Variants in MGST1 observed in about 807,000 individuals in gnomAD.
MGST1 encodes the protein microsomal glutathione S-transferase 1, also known as glutathione S-transferase 12.
MGST1 carries 5 observed loss-of-function variants against 8.9 expected under a neutral mutation model. That is an observed-to-expected ratio of 0.56 (90% confidence interval 0.29 to 1.19). The LOEUF is 1.19. Among genes scored for constraint, MGST1 ranks in the 50% most tolerant of loss-of-function variants. The pLI is 0.08. For missense variants in MGST1, 182 were observed against 187.4 expected (o/e 0.97, Z 0.17); for synonymous variants, 54 against 67.8 (o/e 0.80, Z 1.00).
chr12:16,355,125 G>C (rs1196883587), intron 2 of MGST1, among the ~76,000 whole-genome samples: 1 of 151,802 alleles, frequency 6.6e-6, no homozygotes, highest in Non-Finnish European at 1.5e-5. Context: ...TTCTCTCTTA[G>C]GACCTGTCCT....
At chr12:16,357,554 T>C (rs2136954780) in intron 2 of MGST1, 51 bp from the exon 3 acceptor site, 3 of 1,406,208 alleles carry the variant, frequency 2.1e-6, no homozygotes, top group Non-Finnish European at 3.0e-6. Flanking sequence ...GTGTGAGCTA[T>C]TGCTCCTGGC....
intron 1 of MGST1, among the ~76,000 whole-genome samples, chr12:16,394,261 TGGCAA>T (rs1194436570): frequency 1.3e-5 from 2 of 152,174 alleles, no homozygotes; most frequent in African/African-American, 4.8e-5. Context: ...TTTTTTATTG[TGGCAA>T]GTATCTTTTC....
At chr12:16,359,684 G>A (rs9332923) in intron 3 of MGST1, among the ~76,000 whole-genome samples, 3,310 of 152,248 alleles carry the variant, frequency 0.022, 119 homozygotes, top group African/African-American at 0.073. Flanking sequence ...AGCCTTGTCT[G>A]GTCCTTTATG....
downstream of MGST1, among the ~76,000 whole-genome samples, chr12:16,377,668 G>A (rs924703500): frequency 1.3e-5 from 2 of 152,078 alleles, no homozygotes; most frequent in African/African-American, 4.8e-5. Context: ...CCCAGTAATG[G>A]GATGGCTGGG....
At chr12:16,364,849 A>T (rs1940155955), downstream of MGST1, among the ~76,000 whole-genome samples, 1 of 152,138 alleles carries the variant, frequency 6.6e-6, no homozygotes, top group South Asian at 2.1e-4. This position sits in a 1 kb window ranked among gnomAD's most constrained non-coding sequence, Gnocchi z 5.7. Context: ...GTTTCACTTA[A>T]ATGAGAGAGT....
intron 4 of MGST1, among the ~76,000 whole-genome samples, chr12:16,489,950 T>G (rs1201152549): frequency 6.6e-6 from 1 of 152,080 alleles, no homozygotes; most frequent in Non-Finnish European, 1.5e-5. Context: ...TGAATGGGAG[T>G]GACATATACT....
At chr12:16,405,742 G>T (rs1448993117) in intron 1 of MGST1, among the ~76,000 whole-genome samples, 2 of 152,170 alleles carry the variant, frequency 1.3e-5, no homozygotes, top group Non-Finnish European at 2.9e-5. Context: ...TCTCTGAGAT[G>T]CAAGGTTGGT....
Position 16,454,902 on chromosome 12 carries a change from A to AAAAAAAG in MGST1, n.482+71300_482+71301insAAAAGAA, listed in dbSNP as rs1555104768. On this transcript the variant is annotated intron_variant and non_coding_transcript_variant, in intron 4 of 4. Transcript: ENST00000538857. The stretch of plus-strand genomic sequence containing the variant: ...AAAAAAAAAAAAAAAAAAAAAAAAA[A>AAAAAAAG]AAGGAGATGGGAAGATTTGAGGAGA... Among the ~76,000 whole-genome samples, 202 of 125,986 alleles carry AAAAAAAG rather than the reference A, an allele frequency of 1.6e-3. 30 individuals carry two copies. Among genetic ancestry groups the AAAAAAAG allele is most frequent in the African/African-American group, 6.1e-3 (188 of 30,922 alleles). The allele number at this position is 125,986 out of a possible 152,430, so 82.7% of individuals were successfully genotyped here.
intron 4 of MGST1, among the ~76,000 whole-genome samples, chr12:16,569,461 C>T (rs2137421884): frequency 6.6e-6 from 1 of 152,272 alleles, no homozygotes. Flanking sequence ...TATACTTTCC[C>T]TTTCAACAAA....
intron 1 of MGST1, among the ~76,000 whole-genome samples, chr12:16,428,811 C>T (rs923647590): frequency 1.3e-5 from 2 of 151,776 alleles, no homozygotes; most frequent in African/African-American, 2.4e-5. Flanking sequence ...TCTATTTGTG[C>T]TTATTTGCTC....
intron 3 of MGST1, 49 bp downstream of exon 3, chr12:16,357,748 C>A: frequency 6.6e-7 from 1 of 1,520,048 alleles, no homozygotes; most frequent in South Asian, 1.2e-5. Flanking sequence ...CAATTTTGGT[C>A]AAGGAGTTCA....
At chr12:16,485,527 A>T (rs1327254194) in intron 4 of MGST1, among the ~76,000 whole-genome samples, 1 of 152,180 alleles carries the variant, frequency 6.6e-6, no homozygotes, top group East Asian at 1.9e-4. Flanking sequence ...GAATTTGAGG[A>T]TTATTGTCTT....
rs545344793 is a variant in MGST1 at position 16,389,240 on chromosome 12, A to G, written n.778+5636A>G. On this transcript the variant is annotated intron_variant and non_coding_transcript_variant, in intron 1 of 1. Coordinates refer to the MGST1 transcript ENST00000359720. The surrounding 1 kb of genome is among the most constrained non-coding windows in gnomAD (Gnocchi z 4.6). ...GAAATTTTAGCTTCACAAACTGAAAAGAAATAGTTTGTTTACTCGATGCAT... is the reference window on the plus strand; with the variant it reads ...GAAATTTTAGCTTCACAAACTGAAAGGAAATAGTTTGTTTACTCGATGCAT... Among the ~76,000 whole-genome samples, 2 of 152,354 alleles carry G rather than the reference A, an allele frequency of 1.3e-5. No homozygotes were observed. Among genetic ancestry groups the G allele is most frequent in the African/African-American group, 4.8e-5 (2 of 41,584 alleles).
chr12:16,350,860 C>G (rs1399827747), intron 1 of MGST1: 1 of 152,126 alleles, frequency 6.6e-6, no homozygotes, highest in Non-Finnish European at 1.5e-5. Flanking sequence ...AGGAGTTAAG[C>G]CACATTCTTC....
intron 4 of MGST1, among the ~76,000 whole-genome samples, chr12:16,502,242 A>G (rs1012095634): frequency 4.6e-5 from 7 of 152,312 alleles, no homozygotes; most frequent in African/African-American, 1.7e-4. Flanking sequence ...ATCAATTTCT[A>G]TAGAGTCATT....
chr12:16,392,534 A>G (rs1156511811), intron 1 of MGST1, among the ~76,000 whole-genome samples: 2 of 152,192 alleles, frequency 1.3e-5, no homozygotes, highest in African/African-American at 4.8e-5. Context: ...TTTTTCTCCC[A>G]GTATGTACAT....
intron 4 of MGST1, among the ~76,000 whole-genome samples, chr12:16,457,457 G>C (rs1291210916): frequency 6.6e-6 from 1 of 151,872 alleles, no homozygotes; most frequent in East Asian, 1.9e-4. Flanking sequence ...ATGATGAATG[G>C]TAAAGATGGG....
At chr12:16,439,704 C>T (rs1004145191), downstream of MGST1, among the ~76,000 whole-genome samples, 1 of 151,794 alleles carries the variant, frequency 6.6e-6, no homozygotes, top group Non-Finnish European at 1.5e-5. Context: ...GGTATACCCA[C>T]AATTTTCCAA....
intron 4 of MGST1, among the ~76,000 whole-genome samples, chr12:16,449,462 C>T (rs1941111841): frequency 6.6e-6 from 1 of 151,838 alleles, no homozygotes; most frequent in African/African-American, 2.4e-5. Context: ...GACAGGACCC[C>T]CACTCAAACC....
Sources: gnomAD v4.1 joint callset for allele counts (sites outside exome capture counted in the v4.1 genomes callset) on GRCh38, gnomAD v4.1.1 for gene constraint, Gnocchi (gnomAD v3.1) non-coding constraint, MANE v1.5 for transcripts, NCBI Gene and HGNC (gene_info 2026-07-23, HGNC 2026-07-21) for gene names.